Variants in BEND2 observed in about 807,000 individuals in gnomAD.
The protein encoded by BEND2 is BEN domain containing 2.
A neutral mutation model predicts 43.8 loss-of-function variants in BEND2; 19 were observed. The observed-to-expected ratio is 0.43, with a 90% confidence interval of 0.30 to 0.64. The LOEUF is 0.64. Among genes scored for constraint, BEND2 ranks in the 30% least tolerant of loss-of-function variants. The pLI, the probability that BEND2 is intolerant of heterozygous loss-of-function variation, is 0.11. For synonymous variants in BEND2, 226 were observed against 210.1 expected (o/e 1.08, Z -0.66); for missense variants, 544 against 574.0 (o/e 0.95, Z 0.53).
Position 18,195,312 on chromosome X carries a change from G to A in BEND2, c.1164C>T (p.Pro388=), listed in dbSNP as rs1924901838. The A allele has an allele frequency of 8.3e-7, 1 of 1,204,534 alleles. No individual in the cohort carries two copies. Among genetic ancestry groups the A allele is most frequent in the African/African-American group, 1.8e-5 (1 of 56,819 alleles). Residue 388 remains proline, a synonymous_variant, in exon 7 of 14, where the codon CCC becomes CCT. Transcript: ENST00000380033. ...CAAACTCACCAAAATTAGAAGTGATGGGAAGATATGAAGAGGCTGGATATG... is the reference window on the plus strand; with the variant it reads ...CAAACTCACCAAAATTAGAAGTGATAGGAAGATATGAAGAGGCTGGATATG... The part of the protein sequence containing the change: ...SAPYPASSYL[P]ITSNFESGPQ...
chrX:18,171,316 T>C (rs759073362), intron 12 of BEND2, 112 bp from the exon 13 acceptor site: 3 of 866,669 alleles, frequency 3.5e-6, no homozygotes, highest in Non-Finnish European at 4.8e-6. Flanking sequence ...CTCAAGAATT[T>C]GAGAGGTTAA....
At position 18,171,062 on chromosome X, in the gene BEND2, G is replaced by A. The variant is rs766601052; in HGVS notation, c.2124C>T (p.Val708=). ...ACAGGCCATGCTTCAGATTGCCATA[G>A]ACGTTACTTTGGACCAGGACATCTT... ...FTKDVLVQSN[V]YGNLKHGLCA... Residue 708 remains valine, a synonymous_variant, in exon 13 of 14, where the codon GTC becomes GTT. Coordinates refer to ENST00000380033, the MANE Select transcript of BEND2 (RefSeq NM_153346.5). The A allele has an allele frequency of 8.3e-7, 1 of 1,211,990 alleles. No homozygotes were observed. Among genetic ancestry groups the A allele is most frequent in the Admixed American group, 2.2e-5 (1 of 46,109 alleles).
intron 11 of BEND2, 148 bp downstream of exon 11, chrX:18,175,824 G>T: frequency 2.4e-6 from 1 of 414,170 alleles, no homozygotes. Flanking sequence ...CATGCAGTGT[G>T]CTTTTGAAAG....
At chrX:18,178,009 T>C (rs754522272) in intron 9 of BEND2, among the ~76,000 whole-genome samples, 99 of 111,619 alleles carry the variant, frequency 8.9e-4, no homozygotes, top group Non-Finnish European at 1.7e-3. Flanking sequence ...ATTCTTCACT[T>C]CTACTGGTCT....
intron 10 of BEND2, among the ~76,000 whole-genome samples, chrX:18,176,366 C>T (rs775176751): frequency 2.3e-4 from 13 of 56,667 alleles, no homozygotes; most frequent in African/African-American, 7.9e-4. Flanking sequence ...GCTCTTGGTG[C>T]TCAAAAAAAA....
Position 18,171,064 on chromosome X carries a change from C to T in BEND2, c.2122G>A (p.Val708Ile). ...AGGCCATGCTTCAGATTGCCATAGA[C>T]GTTACTTTGGACCAGGACATCTTTT... Reference protein sequence around the residue: ...FTKDVLVQSNVYGNLKHGLCA... With the variant: ...FTKDVLVQSNIYGNLKHGLCA... Residue 708 changes from valine (V) to isoleucine (I), a missense_variant, in exon 13 of 14, where the codon GTC becomes ATC. Val to Ile is a conservative substitution (Grantham distance 29). Transcript: ENST00000380033. The T allele has an allele frequency of 8.3e-7, 1 of 1,211,954 alleles. No individual in the cohort carries two copies. Among genetic ancestry groups the T allele is most frequent in the Non-Finnish European group, 1.1e-6 (1 of 895,361 alleles).
At position 18,213,840 on chromosome X, in the gene BEND2, G is replaced by T; in HGVS notation, c.310C>A (p.Leu104Ile). 6.1e-6 allele frequency: 1 copy of T among 164,599 alleles called. No individual in the cohort carries two copies. Among genetic ancestry groups the T allele is most frequent in the South Asian group, 9.8e-5 (1 of 10,189 alleles). The allele number at this position is 164,599 out of a possible 1,213,427, so 13.6% of individuals were successfully genotyped here. A position where few individuals can be genotyped will look rare whatever the true frequency, so the allele number is the denominator to read the frequency against. The change falls in exon 3 of 14, where the codon CTC becomes ATC. Residue 104 changes from leucine (L) to isoleucine (I), a missense_variant. Around this residue, in one of 2 missense-constraint regions of BEND2, gnomAD observed 501 missense variants for 501.6 expected, o/e 1.00. Transcript: ENST00000380033. ...AGGCTGAGGTGGAAGAATTGCTTGA[G>T]TCCAAGAGGTTGAGGCTGCAGTGAG... The part of the protein sequence containing the change: ...HSSLQPQPLG[L>I]KQFFHLSLPS...
chrX:18,199,014 G>A (rs1327546124), intron 6 of BEND2, among the ~76,000 whole-genome samples: 39 of 89,187 alleles, frequency 4.4e-4, no homozygotes, highest in African/African-American at 1.6e-3. Flanking sequence ...AGAACACATG[G>A]ACACAGGAAG....
rs751833044 is a variant in BEND2 at position 18,180,639 on chromosome X, G to A, written c.1300C>T (p.Leu434=). The A allele has an allele frequency of 8.3e-7, 1 of 1,204,939 alleles. No individual in the cohort carries two copies. The highest frequency in any genetic ancestry group is 2.2e-5 in the Admixed American group (1 of 45,962). The part of the protein sequence containing the change: ...CLTPDFALLP[L]NILVKVDTNT... ...GTGTCTACTTTTACCAAAATATTCA[G>A]AGGTAACAGTGCTGAAAGAAAAGAA... is the stretch of plus-strand genomic sequence containing the variant. The change falls in exon 9 of 14, where the codon CTG becomes TTG. Residue 434 remains leucine (L), a synonymous_variant. Coordinates refer to ENST00000380033, the MANE Select transcript of BEND2 (RefSeq NM_153346.5).
chrX:18,172,220 T>C (rs1480582760), intron 12 of BEND2, among the ~76,000 whole-genome samples: 6 of 111,261 alleles, frequency 5.4e-5, no homozygotes, highest in Admixed American at 4.8e-4. Context: ...TGTTGAATCA[T>C]CCAGATTCAA....
rs181828429 is a variant in BEND2 at position 18,205,698 on chromosome X, T to C, written c.493-1783A>G. On this transcript the variant is annotated intron_variant, in intron 4 of 13. Coordinates refer to ENST00000380033, the MANE Select transcript of BEND2 (RefSeq NM_153346.5). ...GAGACAAGTAAAGAGAGGATTCCAA[T>C]AGACAAAGTGATTAGCAGCCTGGAA... is the stretch of plus-strand genomic sequence containing the variant. 8.1e-5 allele frequency among the ~76,000 whole-genome samples: 8 copies of C among 98,463 alleles called. No homozygotes were observed. The Admixed American group carries it at 8.2e-4, about 10-fold the overall frequency. 85.5% of individuals were successfully genotyped at this position (98,463 alleles called of 115,157 possible).
intron 4 of BEND2, among the ~76,000 whole-genome samples, chrX:18,205,158 C>T (rs909429274): frequency 6.3e-5 from 7 of 110,586 alleles, no homozygotes; most frequent in African/African-American, 1.6e-4. Context: ...AAAAAAAATA[C>T]GCTTAAACAA....
In BEND2 at chrX:18,183,381, G is replaced by A. The variant is rs964935432; in HGVS notation, c.1289-2731C>T. 2.7e-5 allele frequency among the ~76,000 whole-genome samples: 3 copies of A among 112,186 alleles called. 1 individual carries two copies. Among genetic ancestry groups the A allele is most frequent in the East Asian group, 5.6e-4 (2 of 3,568 alleles). ...CAGCAAACTCCTAAATAATCCACAC[G>A]TCAAAAAGAAGTCTCCAAGGAAATT... On this transcript the variant is annotated intron_variant, in intron 8 of 13. Transcript: ENST00000380033.
At position 18,163,394 on chromosome X, in the gene BEND2, C is replaced by T. The variant is rs764306290; in HGVS notation, c.*1615G>A. 8.9e-6 allele frequency: 1 copy of T among 111,736 alleles called. No homozygotes were observed. The highest frequency in any genetic ancestry group is 3.2e-5 in the African/African-American group (1 of 30,826). 9.2% of individuals were successfully genotyped at this position (111,736 alleles called of 1,213,427 possible). On this transcript the variant is annotated 3_prime_UTR_variant, in exon 14 of 14. Coordinates refer to ENST00000380033, the MANE Select transcript of BEND2 (RefSeq NM_153346.5). ...CTATTTCACTTTAAATTCTAATTAG[C>T]TAAAATGAGAGAAAATGTTAAATTT... is the stretch of plus-strand genomic sequence containing the variant.
At chrX:18,206,222 G>A (rs2147428336) in intron 4 of BEND2, among the ~76,000 whole-genome samples, 1 of 111,343 alleles carries the variant, frequency 9.0e-6, no homozygotes, top group Admixed American at 9.5e-5. Context: ...GGCTAAGCAT[G>A]CACAGAAGAG....
At chrX:18,217,362 C>T (rs1033032583) in intron 1 of BEND2, among the ~76,000 whole-genome samples, 8 of 112,307 alleles carry the variant, frequency 7.1e-5, no homozygotes, top group African/African-American at 2.6e-4. Flanking sequence ...TGAAAAAGAA[C>T]ACATTTAAGC....
chrX:18,203,709 T>C lies in BEND2; in HGVS notation c.699A>G (p.Pro233=), dbSNP rs1224384678. 2 of 1,209,454 alleles carry C rather than the reference T, an allele frequency of 1.7e-6. No homozygotes were observed. Among genetic ancestry groups the C allele is most frequent in the African/African-American group, 1.7e-5 (1 of 57,238 alleles). The change falls in exon 5 of 14, where the codon CCA becomes CCG. Residue 233 remains proline (P), a synonymous_variant. Transcript: ENST00000380033. The part of the protein sequence containing the change: ...QGGSFPCFGM[P]WNFISGGAES... ...CAGCACCTCCACTGATAAAGTTCCA[T>C]GGCATACCGAAACAAGGAAATGAGC...
intron 8 of BEND2, among the ~76,000 whole-genome samples, chrX:18,189,469 C>T (rs1924686470): frequency 9.0e-6 from 1 of 111,261 alleles, no homozygotes; most frequent in African/African-American, 3.3e-5. Flanking sequence ...CATGATCATG[C>T]CACTGCACTA....
intron 4 of BEND2, among the ~76,000 whole-genome samples, chrX:18,204,422 A>G (rs1165212569): frequency 8.9e-6 from 1 of 112,175 alleles, no homozygotes; most frequent in Non-Finnish European, 1.9e-5. Flanking sequence ...TGTAACACAC[A>G]TTTCATCAAA....
Sources: gnomAD v4.1 joint callset for allele counts (sites outside exome capture counted in the v4.1 genomes callset) on GRCh38, gnomAD v4.1.1 for gene constraint, gnomAD v4.1.1 regional missense constraint, MANE v1.5 for transcripts, NCBI Gene and HGNC (gene_info 2026-07-23, HGNC 2026-07-21) for gene names.